SLC4A4: variants seen among roughly 807,000 people sequenced by gnomAD.
SLC4A4 encodes the protein electrogenic sodium bicarbonate cotransporter 1.
Under a neutral mutation model 111.5 loss-of-function variants are expected in SLC4A4, and 27 were observed. The ratio of observed to expected loss-of-function variants is 0.24; its 90% CI spans 0.18 to 0.33. The LOEUF (loss-of-function observed/expected upper bound fraction) is 0.33, where lower values mean the gene tolerates loss of function less well. Ranked by LOEUF, SLC4A4 falls within the 10% of genes least tolerant of loss-of-function variation. The pLI is 1.00. For synonymous variants in SLC4A4, 443 were observed against 463.4 expected (o/e 0.96, Z 0.57); for missense variants, 909 against 1,315.5 (o/e 0.69, Z 4.78).
chr4:71,278,350 C>T (rs1228852714), intron 3 of SLC4A4, among the ~76,000 whole-genome samples: 2 of 152,128 alleles, frequency 1.3e-5, no homozygotes, highest in African/African-American at 4.8e-5. Flanking sequence ...TGGATGGACA[C>T]TTTGGTCATT....
intron 15 of SLC4A4, among the ~76,000 whole-genome samples, chr4:71,489,619 A>G: frequency 6.6e-6 from 1 of 151,766 alleles, no homozygotes. Context: ...CAGAAGTTTA[A>G]TGGAGAGAGG....
intron 18 of SLC4A4, among the ~76,000 whole-genome samples, chr4:71,538,147 T>C (rs1194086241): frequency 6.6e-6 from 1 of 152,144 alleles, no homozygotes; most frequent in Non-Finnish European, 1.5e-5. Flanking sequence ...TTAATTATGA[T>C]CTACGGTTGG....
intron 2 of SLC4A4, among the ~76,000 whole-genome samples, chr4:71,161,215 G>A (rs1289674741): frequency 1.3e-5 from 2 of 152,180 alleles, no homozygotes; most frequent in Admixed American, 6.5e-5. Flanking sequence ...TTCTCACTGT[G>A]CATTAAGTAA....
At chr4:71,233,911 C>T (rs1719620336) in intron 1 of SLC4A4, among the ~76,000 whole-genome samples, 1 of 152,164 alleles carries the variant, frequency 6.6e-6, no homozygotes, top group African/African-American at 2.4e-5. Context: ...TCCCGTAACA[C>T]CTAAAATTCT....
intron 20 of SLC4A4, among the ~76,000 whole-genome samples, chr4:71,550,495 T>A (rs1735891083): frequency 1.3e-5 from 2 of 151,888 alleles, no homozygotes; most frequent in South Asian, 4.1e-4. Flanking sequence ...AACCTTAGAA[T>A]TCACAAAGAA....
chr4:71,151,444 A>AT (rs891176507), intron 2 of SLC4A4, among the ~76,000 whole-genome samples: 1 of 151,830 alleles, frequency 6.6e-6, no homozygotes, highest in African/African-American at 2.4e-5. Context: ...TGAAGTCTTC[A>AT]TTTTCTCTCT....
intron 2 of SLC4A4, among the ~76,000 whole-genome samples, chr4:71,113,929 C>T (rs1743171517): frequency 1.3e-5 from 2 of 152,126 alleles, no homozygotes; most frequent in Non-Finnish European, 1.5e-5. Context: ...ACCTTATTAG[C>T]AGACTAAATC....
At chr4:71,120,491 CT>C (rs1220121273) in intron 2 of SLC4A4, among the ~76,000 whole-genome samples, 1 of 152,208 alleles carries the variant, frequency 6.6e-6, no homozygotes, top group Non-Finnish European at 1.5e-5. Flanking sequence ...TCTGTGCTGG[CT>C]TTTCCCTCTA....
chr4:71,149,178 A>G (rs1424048507), intron 2 of SLC4A4, among the ~76,000 whole-genome samples: 2 of 152,118 alleles, frequency 1.3e-5, no homozygotes, highest in African/African-American at 4.8e-5. Flanking sequence ...GTACTCAGTG[A>G]GTTTAATTAG....
intron 6 of SLC4A4, among the ~76,000 whole-genome samples, chr4:71,366,857 C>T (rs1731383060): frequency 6.6e-6 from 1 of 152,210 alleles, no homozygotes; most frequent in Non-Finnish European, 1.5e-5. Flanking sequence ...CACAGAAGTA[C>T]ACAGAGGGTC....
chr4:71,286,994 G>A (rs1723968352), intron 3 of SLC4A4, among the ~76,000 whole-genome samples: 2 of 151,934 alleles, frequency 1.3e-5, no homozygotes, highest in African/African-American at 2.4e-5. Flanking sequence ...TTTAGTCAAT[G>A]GCAGAGCCAA....
At position 71,450,561 on chromosome 4, in the gene SLC4A4, G is replaced by A; in HGVS notation, c.1208+18G>A. ...GACAAAAGGTAAATTATAGGCAGTT[G>A]ATAATTTTCAGTAGCTGAGATGACT... On this transcript the variant is annotated intron_variant, in intron 10 of 25. Coordinates refer to ENST00000264485, the MANE Select transcript of SLC4A4 (RefSeq NM_001098484.3). The A allele has an allele frequency of 6.2e-7, 1 of 1,609,644 alleles. No individual in the cohort carries two copies. The highest frequency in any genetic ancestry group is 8.5e-7 in the Non-Finnish European group (1 of 1,177,320).
At chr4:71,270,727 T>G (rs1335606666) in intron 3 of SLC4A4, among the ~76,000 whole-genome samples, 1 of 152,172 alleles carries the variant, frequency 6.6e-6, no homozygotes, top group Admixed American at 6.5e-5. Flanking sequence ...CTGTCCTTAG[T>G]AGGGGATTAA....
At chr4:71,185,941 T>G (rs572272558), upstream of SLC4A4, among the ~76,000 whole-genome samples, 52 of 152,320 alleles carry the variant, frequency 3.4e-4, 5 homozygotes, top group East Asian at 2.7e-3. Context: ...ACATTACATA[T>G]AATATGTATT....
In SLC4A4 at chr4:71,441,575, GT is replaced by G. The variant is rs981661697; in HGVS notation, c.965+805del. 3.0e-4 allele frequency among the ~76,000 whole-genome samples: 46 copies of G among 152,198 alleles called. 1 individual carries two copies. Among genetic ancestry groups the G allele is most frequent in the Middle Eastern group, 3.4e-3 (1 of 294 alleles). ...CCAGGGCAAGGACAGGTTCCTTTAGGTTTCCTCATGTGAGCAGGAAGGGCTA... is the reference window on the plus strand; with the variant it reads ...CCAGGGCAAGGACAGGTTCCTTTAGGTTCCTCATGTGAGCAGGAAGGGCTA... On this transcript the variant is annotated intron_variant, in intron 8 of 25. Coordinates refer to ENST00000264485, the MANE Select transcript of SLC4A4 (RefSeq NM_001098484.3).
At position 71,178,895 on chromosome 4, in the gene SLC4A4, C is replaced by A. The variant is rs987623143; in HGVS notation, c.-1-57681C>A. ...CTGATACCAAAGCCTGGCAGAGACA[C>A]AACAAAAAAAGAGAATTTTAGACCA... is the stretch of plus-strand genomic sequence containing the variant. On this transcript the variant is annotated intron_variant, in intron 2 of 26. Transcript: ENST00000649996. Among the ~76,000 whole-genome samples the A allele has an allele frequency of 5.5e-4, 83 of 152,134 alleles. 1 individual carries two copies. The highest frequency in any genetic ancestry group is 9.4e-4 in the Non-Finnish European group (64 of 67,978).
chr4:71,531,705 G>T (rs1253066581), intron 16 of SLC4A4, among the ~76,000 whole-genome samples: 1 of 150,582 alleles, frequency 6.6e-6, no homozygotes, highest in Non-Finnish European at 1.5e-5. Flanking sequence ...AGCAGGATGA[G>T]TTTATACAGT....
chr4:71,250,090 TA>T (rs1038606607), intron 2 of SLC4A4, among the ~76,000 whole-genome samples: 31 of 152,198 alleles, frequency 2.0e-4, no homozygotes, highest in African/African-American at 7.0e-4. Flanking sequence ...CATCTTTTTA[TA>T]ATCTGTCACT....
chr4:71,402,692 T>C (rs1265860650), intron 7 of SLC4A4, among the ~76,000 whole-genome samples: 2 of 152,240 alleles, frequency 1.3e-5, no homozygotes, highest in Non-Finnish European at 2.9e-5. Flanking sequence ...TTAGAGGTCC[T>C]TAGTCACTAC....
Sources: gnomAD v4.1 joint callset for allele counts (sites outside exome capture counted in the v4.1 genomes callset) on GRCh38, gnomAD v4.1.1 for gene constraint, MANE v1.5 for transcripts, NCBI Gene and HGNC (gene_info 2026-07-23, HGNC 2026-07-21) for gene names.